The following PTPRK variants were observed in gnomAD, a reference collection of about 807,000 sequenced individuals.
PTPRK encodes the protein receptor-type tyrosine-protein phosphatase kappa.
A neutral mutation model predicts 178.0 loss-of-function variants in PTPRK; 75 were observed. The ratio of observed to expected loss-of-function variants is 0.42; its 90% confidence interval spans 0.35 to 0.51. The LOEUF is 0.51. Among genes scored for constraint, PTPRK ranks in the 20% least tolerant of loss-of-function variants. PTPRK has a pLI of 0.02. For synonymous variants in PTPRK, 637 were observed against 620.6 expected, an observed-to-expected ratio of 1.03 and a Z score of -0.39; for missense variants, 1,441 against 1,797.8, an observed-to-expected ratio of 0.80 and a Z score of 3.59.
chr6:128,243,950 T>C (rs1356565072), intron 3 of PTPRK, among the ~76,000 whole-genome samples: 1 of 152,068 alleles, frequency 6.6e-6, no homozygotes, highest in Non-Finnish European at 1.5e-5. Context: ...TAAGTCAATA[T>C]GCTAGAAGTA....
chr6:128,135,159 A>G (rs1390769619), intron 7 of PTPRK, among the ~76,000 whole-genome samples: 1 of 151,884 alleles, frequency 6.6e-6, no homozygotes, highest in Non-Finnish European at 1.5e-5. Context: ...ACCCTAATAT[A>G]TCACCACATT....
At chr6:128,207,177 A>T (rs1428736059) in intron 6 of PTPRK, among the ~76,000 whole-genome samples, 1 of 152,156 alleles carries the variant, frequency 6.6e-6, no homozygotes, top group East Asian at 1.9e-4. Flanking sequence ...ATCCATCATT[A>T]CTGCTGAGAC....
intron 7 of PTPRK, among the ~76,000 whole-genome samples, chr6:128,149,181 G>A (rs989055535): frequency 1.8e-5 from 2 of 108,282 alleles, no homozygotes; most frequent in African/African-American, 3.5e-5. Flanking sequence ...TGGGGGGAGG[G>A]GGGAGGGATA....
intron 1 of PTPRK, among the ~76,000 whole-genome samples, chr6:128,428,806 G>C (rs1844485024): frequency 6.6e-6 from 1 of 152,150 alleles, no homozygotes. Context: ...ACTGTCCTTA[G>C]AGTACCCATA....
chr6:128,161,639 C>T (rs1257127079), intron 7 of PTPRK, among the ~76,000 whole-genome samples: 6 of 151,548 alleles, frequency 4.0e-5, no homozygotes, highest in Non-Finnish European at 7.4e-5. Context: ...AAATAAAACT[C>T]TCTCAAAGCC....
chr6:128,025,539 T>C (rs748536130), intron 13 of PTPRK, among the ~76,000 whole-genome samples: 6 of 152,222 alleles, frequency 3.9e-5, no homozygotes, highest in Non-Finnish European at 8.8e-5. Context: ...TCTATGTCTG[T>C]ATTAGTTTCT....
intron 2 of PTPRK, among the ~76,000 whole-genome samples, chr6:128,371,222 T>C (rs1453358356): frequency 2.0e-5 from 3 of 152,220 alleles, no homozygotes; most frequent in African/African-American, 7.2e-5. Context: ...ATTCATTTTA[T>C]TAGTTACATC....
chr6:128,474,440 C>T (rs984995303), intron 1 of PTPRK, among the ~76,000 whole-genome samples: 3 of 151,874 alleles, frequency 2.0e-5, no homozygotes, highest in African/African-American at 7.3e-5. Context: ...AACCAATGAC[C>T]TCAGAAAATA....
chr6:128,295,116 T>C (rs776163157), intron 3 of PTPRK, among the ~76,000 whole-genome samples: 11 of 152,144 alleles, frequency 7.2e-5, no homozygotes, highest in Non-Finnish European at 1.6e-4. Context: ...TTAATTTACA[T>C]TTGAAATACA....
intron 3 of PTPRK, among the ~76,000 whole-genome samples, chr6:128,253,343 C>G (rs997971197): frequency 2.0e-5 from 3 of 152,156 alleles, no homozygotes; most frequent in Non-Finnish European, 2.9e-5. Flanking sequence ...CATAAGCAAG[C>G]AACCTACACC....
intron 3 of PTPRK, among the ~76,000 whole-genome samples, chr6:128,314,477 G>T (rs1212064055): frequency 6.6e-6 from 1 of 152,172 alleles, no homozygotes; most frequent in Non-Finnish European, 1.5e-5. Flanking sequence ...ATCTAATTGG[G>T]TCCTATGCCT....
At chr6:128,015,078 C>T (rs779438366) in intron 13 of PTPRK, among the ~76,000 whole-genome samples, 1 of 151,842 alleles carries the variant, frequency 6.6e-6, no homozygotes, top group African/African-American at 2.4e-5. Context: ...CAGATTAATA[C>T]TGCAGATATT....
chr6:128,277,335 A>G (rs527819182), intron 3 of PTPRK, among the ~76,000 whole-genome samples: 5 of 152,326 alleles, frequency 3.3e-5, no homozygotes, highest in African/African-American at 1.2e-4. Flanking sequence ...TTGTACAAGT[A>G]GTTATCAATT....
rs537995206 is a variant in PTPRK at position 128,347,130 on chromosome 6, TATA to T, written c.224-24823_224-24821del. Among the ~76,000 whole-genome samples, 17 of 152,250 alleles carry T rather than the reference TATA, an allele frequency of 1.1e-4. 1 individual carries two copies. In the South Asian group the frequency reaches 2.9e-3, roughly 26 times the overall value. ...AATAAAGCTCCTAATAAATGAATAA[TATA>T]ATGTTATCTCACTGGAAACAATAAT... On this transcript the variant is annotated intron_variant, in intron 2 of 29. Coordinates refer to ENST00000368226, the MANE Select transcript of PTPRK (RefSeq NM_002844.4).
At chr6:128,444,886 A>G (rs935046628) in intron 1 of PTPRK, among the ~76,000 whole-genome samples, 1 of 152,196 alleles carries the variant, frequency 6.6e-6, no homozygotes, top group Non-Finnish European at 1.5e-5. Context: ...AGAAAAGATA[A>G]GAATTTGAGT....
intron 2 of PTPRK, among the ~76,000 whole-genome samples, chr6:128,381,246 A>G (rs1837870366): frequency 6.6e-6 from 1 of 152,214 alleles, no homozygotes. Flanking sequence ...ACATGGAATA[A>G]CTACATAAAA....
intron 2 of PTPRK, chr6:128,340,696 A>G (rs557848249): frequency 1.3e-4 from 55 of 410,700 alleles, no homozygotes; most frequent in South Asian, 1.1e-3. Context: ...GTTATTTAAT[A>G]TAAAATGATG....
chr6:128,416,183 C>A (rs552674762), intron 1 of PTPRK, among the ~76,000 whole-genome samples: 1 of 151,824 alleles, frequency 6.6e-6, no homozygotes, highest in South Asian at 2.1e-4. Context: ...GGTGGATGGT[C>A]AAAAAAGACT....
At chr6:128,022,618 T>C (rs7776358) in intron 13 of PTPRK, among the ~76,000 whole-genome samples, 42,398 of 151,872 alleles carry the variant, frequency 0.28, 7,212 homozygotes, top group African/African-American at 0.46. Flanking sequence ...AAATCTTCAT[T>C]GATTTTGAAG....
Sources: gnomAD v4.1 joint callset for allele counts (sites outside exome capture counted in the v4.1 genomes callset) on GRCh38, gnomAD v4.1.1 for gene constraint, MANE v1.5 for transcripts, NCBI Gene and HGNC (gene_info 2026-07-23, HGNC 2026-07-21) for gene names.